Variants in HERC2 observed in about 807,000 individuals in gnomAD.
The protein encoded by HERC2 is HECT and RLD domain containing E3 ubiquitin protein ligase 2, also known as E3 ubiquitin-protein ligase HERC2.
In HERC2, 102 loss-of-function variants were observed where a neutral mutation model predicts 537.7. That is an observed-to-expected ratio of 0.19 (90% CI 0.16 to 0.22). The LOEUF is 0.22. Among genes scored for constraint, HERC2 ranks in the 10% least tolerant of loss-of-function variants. HERC2 has a pLI of 1.00. For synonymous variants in HERC2, 2,224 were observed against 2,466.2 expected (o/e 0.90, Z 2.91); for missense variants, 4,236 against 6,198.2 (o/e 0.68, Z 10.63).
rs1471128543 is a variant in HERC2, at chr15:28,214,105, G to A, written c.6526C>T (p.His2176Tyr). Residue 2176 changes from histidine to tyrosine, a missense_variant, in exon 41 of 93, where the codon CAC (histidine) becomes TAC (tyrosine). Physicochemically the swap from His to Tyr is moderately conservative, Grantham distance 83. Around this residue, in one of 27 missense-constraint regions of HERC2, gnomAD observed 365 missense variants for 468.8 expected, o/e 0.78. Transcript: ENST00000261609. Reference protein sequence around the residue: ...YINSQLRSITHSFVGRPSEGA... With the variant: ...YINSQLRSITYSFVGRPSEGA... The stretch of plus-strand genomic sequence containing the variant: ...TCGGAAGGCCTTCCCACAAAGCTGT[G>A]GGTGATGGAGCGGAGCTGGGAGTTG... The A allele has an allele frequency of 6.2e-7, 1 of 1,614,142 alleles. No individual in the cohort carries two copies. Among genetic ancestry groups the A allele is most frequent in the Non-Finnish European group, 8.5e-7 (1 of 1,179,984 alleles).
intron 55 of HERC2, among the ~76,000 whole-genome samples, chr15:28,187,162 A>G (rs1896385714): frequency 6.6e-6 from 1 of 152,144 alleles, no homozygotes; most frequent in Non-Finnish European, 1.5e-5. Flanking sequence ...AATATACACA[A>G]ATCAGAACAA....
chr15:28,318,413 G>A (rs968528381), intron 2 of HERC2, among the ~76,000 whole-genome samples: 6 of 152,164 alleles, frequency 3.9e-5, no homozygotes, highest in Non-Finnish European at 5.9e-5. Flanking sequence ...GATCACTTGA[G>A]GTCAGGAGTT....
chr15:28,268,736 G>A lies in HERC2; in HGVS notation c.1447-120C>T. The A allele has an allele frequency of 1.2e-6, 1 of 833,764 alleles. No homozygotes were observed. Among genetic ancestry groups the A allele is most frequent in the Non-Finnish European group, 1.9e-6 (1 of 530,994 alleles). The allele number at this position is 833,764 out of a possible 1,614,324, so 51.6% of individuals were successfully genotyped here. ...TGCTGTAACTCCAAGTGGGGCATAA[G>A]TCTCTGGGAACTACGGGGCCGGCTC... On this transcript the variant is annotated intron_variant, in intron 11 of 92. Coordinates refer to ENST00000261609, the MANE Select transcript of HERC2 (RefSeq NM_004667.6). This position sits in a 1 kb window ranked among gnomAD's most constrained non-coding sequence, Gnocchi z 4.7.
chr15:28,217,157 GACTTACACTGACTTAC>G (rs1900015557), intron 38 of HERC2, among the ~76,000 whole-genome samples: 1 of 152,068 alleles, frequency 6.6e-6, no homozygotes, highest in African/African-American at 2.4e-5. Context: ...AACCCTCACT[GACTTACACTGACTTAC>G]ACTTACACTG....
chr15:28,245,566 TACACACACACAC>T (rs200862998), intron 23 of HERC2, among the ~76,000 whole-genome samples: 12,300 of 119,178 alleles, frequency 0.1, 1,024 homozygotes, highest in East Asian at 0.38. Context: ...AAAAAATATA[TACACACACACAC>T]ACACACACAC....
chr15:28,195,464 A>T (rs1897269004), intron 52 of HERC2, among the ~76,000 whole-genome samples: 1 of 152,218 alleles, frequency 6.6e-6, no homozygotes, highest in African/African-American at 2.4e-5. Flanking sequence ...CTGTCTCACA[A>T]AGAAAAAAAG....
intron 38 of HERC2, among the ~76,000 whole-genome samples, chr15:28,218,221 A>G (rs1345357104): frequency 1.3e-5 from 2 of 151,914 alleles, no homozygotes; most frequent in Non-Finnish European, 2.9e-5. Flanking sequence ...GAGGAACGCT[A>G]AAGAGACCAG....
intron 21 of HERC2, among the ~76,000 whole-genome samples, chr15:28,247,955 G>A (rs1256228135): frequency 6.6e-6 from 1 of 152,184 alleles, no homozygotes; most frequent in African/African-American, 2.4e-5. Context: ...ATGATGGAGG[G>A]CCAGCCGCTG....
chr15:28,217,113 T>C (rs1308450979), intron 38 of HERC2, among the ~76,000 whole-genome samples: 1 of 151,982 alleles, frequency 6.6e-6, no homozygotes, highest in Non-Finnish European at 1.5e-5. Flanking sequence ...TACACACTTG[T>C]GCTGCCACCC....
At position 28,135,105 on chromosome 15, in the gene HERC2, A is replaced by G. The variant is rs369175176; in HGVS notation, c.12230+373T>C. Among the ~76,000 whole-genome samples the G allele has an allele frequency of 1.6e-3, 251 of 152,212 alleles. 1 individual carries two copies. The highest frequency in any genetic ancestry group is 7.7e-3 in the East Asian group (40 of 5,172). Reference sequence around the variant, plus strand: ...GGTTCATTCTTTTACAAATGGTGTCAATTGTGCGTTCTTTCTTCCTCACCC... The same window carrying G: ...GGTTCATTCTTTTACAAATGGTGTCGATTGTGCGTTCTTTCTTCCTCACCC... On this transcript the variant is annotated intron_variant, in intron 79 of 92. Transcript: ENST00000261609.
At chr15:28,313,986 A>G (rs943092390) in intron 2 of HERC2, among the ~76,000 whole-genome samples, 2 of 152,206 alleles carry the variant, frequency 1.3e-5, no homozygotes, top group African/African-American at 4.8e-5. Flanking sequence ...GCCACACACC[A>G]GAAATACAGG....
At chr15:28,272,464 A>C (rs2075761749) in intron 8 of HERC2, 78 bp from the exon 9 acceptor site, 4 of 1,298,420 alleles carry the variant, frequency 3.1e-6, no homozygotes, top group Admixed American at 2.0e-5. Context: ...ATAAAAGCAA[A>C]TAGCTGGATA....
In HERC2 at chr15:28,215,724, G is replaced by C. The variant is rs1280171471; in HGVS notation, c.6107C>G (p.Thr2036Arg). The C allele has an allele frequency of 1.9e-6, 3 of 1,612,014 alleles. No individual in the cohort carries two copies. The highest frequency in any genetic ancestry group is 2.2e-5 in the East Asian group (1 of 44,884). The change falls in exon 39 of 93, where the codon ACG (threonine) becomes AGG (arginine). Residue 2036 changes from threonine (T) to arginine (R), a missense_variant. Physicochemically the swap from Thr to Arg is moderately conservative, Grantham distance 71. Coordinates refer to ENST00000261609, the MANE Select transcript of HERC2 (RefSeq NM_004667.6). ...TLGFVRSIALTPQVCGALSSP... is the reference protein window; with the variant it reads ...TLGFVRSIALRPQVCGALSSP... ...GCTGAGGGCGCCGCATACCTGCGGCGTGAGAGCGATGCTCCGCACAAACCC... is the reference window on the plus strand; with the variant it reads ...GCTGAGGGCGCCGCATACCTGCGGCCTGAGAGCGATGCTCCGCACAAACCC...
rs2075814571 is a variant in HERC2 at position 28,274,301 on chromosome 15, C to T, written c.790G>A (p.Val264Ile). 3 of 1,614,198 alleles carry T rather than the reference C, an allele frequency of 1.9e-6. No individual in the cohort carries two copies. Among genetic ancestry groups the T allele is most frequent in the African/African-American group, 1.3e-5 (1 of 75,070 alleles). ...VERATRFLRS[V>I]VTGDVHGTPA... is the part of the protein sequence containing the mutation. ...AAGGAAAGAACTCACCCCGTCACGA[C>T]GGACCTGAGGAACCTGGTCGCTCTC... Residue 264 changes from valine to isoleucine, a missense_variant, in exon 7 of 93, where the codon GTC becomes ATC. Val to Ile is a conservative substitution (Grantham distance 29). Around this residue, in one of 27 missense-constraint regions of HERC2, gnomAD observed 491 missense variants for 559.3 expected, o/e 0.88. Transcript: ENST00000261609.
At chr15:28,239,050 G>A (rs567043853) in intron 23 of HERC2, among the ~76,000 whole-genome samples, 2 of 152,252 alleles carry the variant, frequency 1.3e-5, no homozygotes, top group South Asian at 2.1e-4. Flanking sequence ...TAGAGCATGT[G>A]TGCTGACTAC....
At chr15:28,252,439 G>T (rs917759865) in intron 20 of HERC2, among the ~76,000 whole-genome samples, 1 of 152,166 alleles carries the variant, frequency 6.6e-6, no homozygotes, top group East Asian at 1.9e-4. Context: ...GGGCATTCAA[G>T]AACTTAGAAA....
chr15:28,194,969 T>C (rs1176956642), intron 52 of HERC2, among the ~76,000 whole-genome samples: 4 of 151,310 alleles, frequency 2.6e-5, no homozygotes, highest in Non-Finnish European at 5.9e-5. Context: ...TGCAGGAGAA[T>C]TGCTTGAGCC....
intron 30 of HERC2, among the ~76,000 whole-genome samples, chr15:28,230,878 T>G (rs537341573): frequency 2.0e-5 from 3 of 152,176 alleles, no homozygotes; most frequent in South Asian, 4.2e-4. Flanking sequence ...CTGTAAAACT[T>G]TATTTATGGT....
At chr15:28,309,292 C>T (rs1222495392) in intron 2 of HERC2, among the ~76,000 whole-genome samples, 10 of 152,024 alleles carry the variant, frequency 6.6e-5, no homozygotes, top group Admixed American at 6.6e-4. Flanking sequence ...GTGTTAAGGC[C>T]TATCTCTCTC....
Sources: allele counts gnomAD v4.1 joint callset (sites outside exome capture counted in the v4.1 genomes callset), GRCh38; gene constraint gnomAD v4.1.1; regional missense constraint gnomAD v4.1.1; non-coding constraint Gnocchi (gnomAD v3.1); transcripts MANE v1.5; gene names NCBI Gene and HGNC (gene_info 2026-07-23, HGNC 2026-07-21).